Variants in MRPL35 observed in about 807,000 individuals in gnomAD.
MRPL35 encodes the protein large ribosomal subunit protein bL35m.
Under a neutral mutation model 21.6 loss-of-function variants are expected in MRPL35, and 18 were observed. The ratio of observed to expected loss-of-function variants is 0.83; its 90% CI spans 0.58 to 1.24. The LOEUF is 1.24. Ranked by LOEUF, MRPL35 falls within the 50% of genes most tolerant of loss-of-function variation. The probability of loss-of-function intolerance (pLI) is 0.00; values close to 1 mark genes in which losing one functional copy is unlikely to be tolerated. For missense variants in MRPL35, 223 were observed against 223.2 expected, an observed-to-expected ratio of 1.00 and a Z score of 0.01; for synonymous variants, 87 against 86.9, an observed-to-expected ratio of 1.00 and a Z score of -0.01.
At chr2:86,208,169 CTG>C (rs1272527758) in intron 3 of MRPL35, among the ~76,000 whole-genome samples, 1 of 152,134 alleles carries the variant, frequency 6.6e-6, no homozygotes, top group African/African-American at 2.4e-5. Context: ...TATTGAAACA[CTG>C]TGGTGGGTAG....
intron 3 of MRPL35, 39 bp from the exon 4 acceptor site, chr2:86,210,441 A>T (rs371833376): frequency 3.2e-5 from 48 of 1,522,324 alleles, no homozygotes; most frequent in Non-Finnish European, 4.2e-5. Flanking sequence ...TGTTTCATAC[A>T]TAGTATGATG....
At position 86,200,884 on chromosome 2, in the gene MRPL35, TG is replaced by T. The variant is rs925255915; in HGVS notation, c.43+1353del. On this transcript the variant is annotated intron_variant, in intron 1 of 3. Transcript: ENST00000337109. Reference sequence around the variant, plus strand: ...TTTCTCCATGTTGGTCAGGCTAGTCTGGAACTCCTGACCTCAGGTGATCCGC... The same window carrying T: ...TTTCTCCATGTTGGTCAGGCTAGTCTGAACTCCTGACCTCAGGTGATCCGC... 1.5e-3 allele frequency among the ~76,000 whole-genome samples: 233 copies of T among 152,292 alleles called. 3 individuals are homozygous for T. The highest frequency in any genetic ancestry group is 5.4e-3 in the African/African-American group (226 of 41,556).
intron 2 of MRPL35, 121 bp from the exon 3 acceptor site, chr2:86,207,062 G>T (rs989260017): frequency 9.5e-6 from 9 of 949,286 alleles, no homozygotes; most frequent in Non-Finnish European, 1.4e-5. Flanking sequence ...AAGTAATATT[G>T]TATATGAAAA....
At chr2:86,208,335 G>A (rs1036092398) in intron 3 of MRPL35, among the ~76,000 whole-genome samples, 3 of 150,080 alleles carry the variant, frequency 2.0e-5, no homozygotes, top group African/African-American at 7.4e-5. Flanking sequence ...GAGACAAAGT[G>A]TCACTCTATC....
intron 1 of MRPL35, among the ~76,000 whole-genome samples, chr2:86,201,917 A>G (rs962065971): frequency 5.9e-5 from 9 of 152,106 alleles, no homozygotes; most frequent in African/African-American, 1.9e-4. Flanking sequence ...TGTACGTCCT[A>G]TTCCCTCTGT....
chr2:86,210,524 G>A lies in MRPL35; in HGVS notation c.423G>A (p.Lys141=). The A allele has an allele frequency of 6.2e-7, 1 of 1,612,428 alleles. No homozygotes were observed. Among genetic ancestry groups the A allele is most frequent in the Non-Finnish European group, 8.5e-7 (1 of 1,179,462 alleles). ...KKLWKKTPAR[K]KRLREFVFCN... ...TATGGAAAAAGACACCTGCAAGGAAGAAGCGATTGAGGGAATTTGTATTCT... is the reference window on the plus strand; with the variant it reads ...TATGGAAAAAGACACCTGCAAGGAAAAAGCGATTGAGGGAATTTGTATTCT... The change falls in exon 4 of 4, where the codon AAG becomes AAA. Residue 141 remains lysine (K), a synonymous_variant. Transcript: ENST00000337109.
At position 86,212,273 on chromosome 2, in the gene MRPL35, A is replaced by G. The variant is rs776782035; in HGVS notation, c.*1605A>G. The G allele has an allele frequency of 3.4e-5, 49 of 1,436,806 alleles. No homozygotes were observed. The highest frequency in any genetic ancestry group is 4.4e-5 in the Non-Finnish European group (48 of 1,090,040). The allele number at this position is 1,436,806 out of a possible 1,614,324, so 89.0% of individuals were successfully genotyped here. Reference sequence around the variant, plus strand: ...GTGTTTATTAAAAGGAGAAAGGATAACAATAGAATGTTCTAAAACCAGAAG... The same window carrying G: ...GTGTTTATTAAAAGGAGAAAGGATAGCAATAGAATGTTCTAAAACCAGAAG... On this transcript the variant is annotated 3_prime_UTR_variant, in exon 4 of 4. Transcript: ENST00000337109.
rs1488739985 is a variant in MRPL35 at position 86,199,529 on chromosome 2, T to G, written c.39T>G (p.Ala13=). 2.1e-5 allele frequency: 34 copies of G among 1,614,180 alleles called. No individual in the cohort carries two copies. Among genetic ancestry groups the G allele is most frequent in the Non-Finnish European group, 2.8e-5 (33 of 1,180,032 alleles). ...CCTTTGCTGGTGCAGTGAGAGCAGC[T>G]TCAGGTCAGTGGAGAGCGACATACT... ...ASAFAGAVRA[A]SGILRPLNIL... is the part of the protein sequence containing the mutation. The change falls in exon 1 of 4, where the codon GCT becomes GCG. Residue 13 remains alanine, a synonymous_variant. Coordinates refer to ENST00000337109, the MANE Select transcript of MRPL35 (RefSeq NM_016622.4).
chr2:86,212,377 T>G lies in MRPL35; in HGVS notation c.*1709T>G, dbSNP rs1028290458. ...TGAGGTGAGGTAAAAGCCTGAAACATGGAATGGCATTCTGTTTTGATGGAT... is the reference window on the plus strand; with the variant it reads ...TGAGGTGAGGTAAAAGCCTGAAACAGGGAATGGCATTCTGTTTTGATGGAT... On this transcript the variant is annotated 3_prime_UTR_variant, in exon 4 of 4. Coordinates refer to ENST00000337109, the MANE Select transcript of MRPL35 (RefSeq NM_016622.4). The G allele has an allele frequency of 6.8e-6, 11 of 1,613,636 alleles. 1 individual carries two copies. Among genetic ancestry groups the G allele is most frequent in the Admixed American group, 1.7e-5 (1 of 59,928 alleles).
At chr2:86,200,271 A>T (rs1673660245) in intron 1 of MRPL35, among the ~76,000 whole-genome samples, 1 of 152,108 alleles carries the variant, frequency 6.6e-6, no homozygotes, top group South Asian at 2.1e-4. Flanking sequence ...ACCGTTAGAG[A>T]AAAGCTTTTT....
intron 2 of MRPL35, among the ~76,000 whole-genome samples, chr2:86,206,508 G>A (rs1470749473): frequency 6.6e-6 from 1 of 152,024 alleles, no homozygotes; most frequent in Non-Finnish European, 1.5e-5. Flanking sequence ...GTGCCTGGCT[G>A]GTAGAGTCTA....
intron 1 of MRPL35, among the ~76,000 whole-genome samples, chr2:86,203,991 T>C: frequency 7.4e-6 from 1 of 135,902 alleles, no homozygotes; most frequent in African/African-American, 2.6e-5. Context: ...TATTTTTCGC[T>C]TTTTTTTTTT....
At position 86,213,640 on chromosome 2, in the gene MRPL35, T is replaced by C. The variant is rs555955291; in HGVS notation, c.*2972T>C. On this transcript the variant is annotated 3_prime_UTR_variant, in exon 4 of 4. Coordinates refer to ENST00000337109, the MANE Select transcript of MRPL35 (RefSeq NM_016622.4). ...GTCACCTGCACAGGCACTCCCCCAT[T>C]TGCAGATGAAGAAATGTTCAGAGAA... is the stretch of plus-strand genomic sequence containing the variant. The C allele has an allele frequency of 1.8e-5, 28 of 1,550,466 alleles. No homozygotes were observed. The East Asian group carries it at 6.8e-4, about 38-fold the overall frequency.
At chr2:86,204,235 C>G (rs914369196) in intron 1 of MRPL35, among the ~76,000 whole-genome samples, 1 of 151,998 alleles carries the variant, frequency 6.6e-6, no homozygotes, top group African/African-American at 2.4e-5. Context: ...CCGCCTGCCT[C>G]GGCCTCCCAA....
In MRPL35 at chr2:86,213,432, A is replaced by AT; in HGVS notation, c.*2768dup. 2 of 1,286,732 alleles carry AT rather than the reference A, an allele frequency of 1.6e-6. No homozygotes were observed. The highest frequency in any genetic ancestry group is 2.0e-6 in the Non-Finnish European group (2 of 1,014,824). The allele number at this position is 1,286,732 out of a possible 1,614,324, so 79.7% of individuals were successfully genotyped here. On this transcript the variant is annotated 3_prime_UTR_variant, in exon 4 of 4. Transcript: ENST00000337109. ...CTTACTGCTGCTTTATTTTACAGTG[A>AT]TTTTGTCAAACATAGAATACAGGAC...
intron 1 of MRPL35, among the ~76,000 whole-genome samples, chr2:86,204,418 CTT>C (rs773735586): frequency 1.7e-4 from 19 of 112,638 alleles, no homozygotes; most frequent in Admixed American, 1.8e-4. Flanking sequence ...AGCTTTAGGA[CTT>C]TTTTTTTTTT....
intron 3 of MRPL35, among the ~76,000 whole-genome samples, chr2:86,207,558 C>T (rs1274813512): frequency 1.3e-5 from 2 of 152,150 alleles, no homozygotes; most frequent in African/African-American, 2.4e-5. Context: ...TGCTTGAACC[C>T]GGGAGGTGGA....
intron 1 of MRPL35, among the ~76,000 whole-genome samples, chr2:86,201,698 T>C (rs972277958): frequency 4.6e-5 from 7 of 152,236 alleles, no homozygotes; most frequent in Non-Finnish European, 8.8e-5. Flanking sequence ...ATTTAAACTA[T>C]TTGATATTTT....
At chr2:86,210,449 A>T (rs556546624) in intron 3 of MRPL35, 31 bp from the exon 4 acceptor site, 6 of 1,567,290 alleles carry the variant, frequency 3.8e-6, no homozygotes, top group Non-Finnish European at 4.3e-6. Flanking sequence ...ACATAGTATG[A>T]TGTTTTACAT....
Sources: allele counts gnomAD v4.1 joint callset (sites outside exome capture counted in the v4.1 genomes callset), GRCh38; gene constraint gnomAD v4.1.1; transcripts MANE v1.5; gene names NCBI Gene and HGNC (gene_info 2026-07-23, HGNC 2026-07-21).